IQCM: variants seen among roughly 807,000 people sequenced by gnomAD.
IQCM encodes IQ motif containing M.
IQCM carries 45 observed loss-of-function variants against 57.6 expected under a neutral mutation model. That is an observed-to-expected ratio of 0.78 (90% confidence interval 0.62 to 1.00). The LOEUF is 1.00. IQCM is among the 50% of genes least tolerant of loss of function. IQCM has a pLI of 0.00. For missense variants in IQCM, 468 were observed against 511.6 expected (o/e 0.91, Z 0.82); for synonymous variants, 148 against 158.9 (o/e 0.93, Z 0.51).
intron 12 of IQCM, among the ~76,000 whole-genome samples, chr4:149,486,059 CTCTCTT>C (rs1439131103): frequency 1.4e-5 from 2 of 147,700 alleles, no homozygotes; most frequent in Non-Finnish European, 3.0e-5. Flanking sequence ...CTCTCTCTCT[CTCTCTT>C]TCTCTGTCTG....
intron 12 of IQCM, among the ~76,000 whole-genome samples, chr4:149,509,934 C>T (rs923460955): frequency 2.0e-5 from 3 of 151,934 alleles, no homozygotes; most frequent in Admixed American, 2.0e-4. Flanking sequence ...TTTTGTTGCT[C>T]AAAAAATCCC....
intron 12 of IQCM, among the ~76,000 whole-genome samples, chr4:149,547,335 T>C (rs1239999613): frequency 6.6e-6 from 1 of 152,208 alleles, no homozygotes; most frequent in African/African-American, 2.4e-5. Context: ...AATTTTGTCA[T>C]TTGTCACAAT....
chr4:149,715,244 G>T (rs1764890690), intron 5 of IQCM, among the ~76,000 whole-genome samples: 1 of 152,172 alleles, frequency 6.6e-6, no homozygotes, highest in Non-Finnish European at 1.5e-5. Context: ...CCTGCCAAGG[G>T]TGAGCCAGGC....
chr4:149,409,613 T>C (rs1425131859), intron 13 of IQCM, among the ~76,000 whole-genome samples: 2 of 152,208 alleles, frequency 1.3e-5, no homozygotes, highest in East Asian at 3.9e-4. Flanking sequence ...ACTGTTTTTA[T>C]AAATAAAAGA....
intron 12 of IQCM, among the ~76,000 whole-genome samples, chr4:149,473,996 G>A (rs1214622058): frequency 6.6e-6 from 1 of 151,934 alleles, no homozygotes; most frequent in East Asian, 1.9e-4. Context: ...AAGTGGGGAG[G>A]GATAGTATTA....
At position 149,690,490 on chromosome 4, in the gene IQCM, T is replaced by C. The variant is rs1294771170; in HGVS notation, c.386-4022A>G. Among the ~76,000 whole-genome samples the C allele has an allele frequency of 2.0e-5, 3 of 152,196 alleles. No individual in the cohort carries two copies. The East Asian group carries it at 5.8e-4, about 30-fold the overall frequency. On this transcript the variant is annotated intron_variant, in intron 5 of 13. Coordinates refer to ENST00000636793, the MANE Select transcript of IQCM (RefSeq NM_001363507.2). The stretch of plus-strand genomic sequence containing the variant: ...GGTGCAGCATGTACTGCTTGGGTGA[T>C]GGGTGCACCAAAATCTCACAAATTA...
chr4:149,690,491 G>A (rs1762868732), intron 5 of IQCM, among the ~76,000 whole-genome samples: 1 of 152,010 alleles, frequency 6.6e-6, no homozygotes. Flanking sequence ...CTTGGGTGAT[G>A]GGTGCACCAA....
chr4:149,581,675 G>A (rs923143487), intron 9 of IQCM, among the ~76,000 whole-genome samples: 5 of 151,640 alleles, frequency 3.3e-5, no homozygotes, highest in African/African-American at 1.2e-4. Flanking sequence ...CAGGGTCTAG[G>A]GTTGGGTTCC....
chr4:149,764,118 C>G (rs922683275), intron 2 of IQCM, among the ~76,000 whole-genome samples: 1 of 152,070 alleles, frequency 6.6e-6, no homozygotes, highest in Admixed American at 6.6e-5. Context: ...CAAATTGCCA[C>G]AAAAACTGGT....
chr4:149,570,756 T>A (rs7663510), intron 9 of IQCM, among the ~76,000 whole-genome samples: 115,123 of 151,972 alleles, frequency 0.76, 44,076 homozygotes, highest in South Asian at 0.9. Flanking sequence ...CATTCCTTAT[T>A]CCACATTTAC....
chr4:149,534,059 A>T (rs1380832119), intron 12 of IQCM, among the ~76,000 whole-genome samples: 1 of 152,218 alleles, frequency 6.6e-6, no homozygotes, highest in South Asian at 2.1e-4. Context: ...AGTGACAGTG[A>T]TGTTATATTG....
rs536686215 is a variant in IQCM at position 149,678,960 on chromosome 4, G to A, written c.565+3158C>T. Among the ~76,000 whole-genome samples, 3 of 151,730 alleles carry A rather than the reference G, an allele frequency of 2.0e-5. No individual in the cohort carries two copies. In the East Asian group the frequency reaches 5.8e-4, roughly 29 times the overall value. On this transcript the variant is annotated intron_variant, in intron 7 of 13. Transcript: ENST00000636793. ...TGGAAATTAGTACAGACATTATTCA[G>A]AACAGTATGAAGTTTCCTTACAATT...
chr4:149,631,078 G>A (rs1757223423), intron 7 of IQCM, among the ~76,000 whole-genome samples: 1 of 152,136 alleles, frequency 6.6e-6, no homozygotes, highest in Admixed American at 6.5e-5. Context: ...TACATGCTAG[G>A]CAGAGTATGC....
chr4:149,387,992 T>C (rs2111067947), intron 13 of IQCM, among the ~76,000 whole-genome samples: 1 of 152,190 alleles, frequency 6.6e-6, no homozygotes, highest in South Asian at 2.1e-4. Context: ...TCAAGGTTTA[T>C]TTACTTCAAA....
At chr4:149,398,422 T>A (rs767573713) in intron 13 of IQCM, among the ~76,000 whole-genome samples, 23 of 152,048 alleles carry the variant, frequency 1.5e-4, no homozygotes, top group Non-Finnish European at 2.6e-4. Context: ...TTGATAGAGA[T>A]ACATTGAATC....
At chr4:149,741,218 G>T (rs1447828906) in intron 3 of IQCM, among the ~76,000 whole-genome samples, 1 of 152,042 alleles carries the variant, frequency 6.6e-6, no homozygotes, top group East Asian at 1.9e-4. Flanking sequence ...CTGTTGAGTT[G>T]TCTCTTACTG....
intron 12 of IQCM, among the ~76,000 whole-genome samples, chr4:149,454,653 A>G (rs1560860067): frequency 6.6e-6 from 1 of 152,084 alleles, no homozygotes; most frequent in Admixed American, 6.6e-5. Flanking sequence ...TCATCCATAC[A>G]CTGGAATATT....
At chr4:149,595,365 A>G (rs1219399515) in intron 8 of IQCM, among the ~76,000 whole-genome samples, 2 of 152,096 alleles carry the variant, frequency 1.3e-5, no homozygotes, top group African/African-American at 2.4e-5. Context: ...TCGGTTTTAA[A>G]CAACCTTGTG....
In IQCM at chr4:149,369,011, CGTGTATATATATATATATACAT is replaced by C. The variant is rs1441357306; in HGVS notation, c.1391-16967_1391-16946del. 8.1e-4 allele frequency among the ~76,000 whole-genome samples: 32 copies of C among 39,478 alleles called. 4 individuals carry two copies. Among genetic ancestry groups the C allele is most frequent in the African/African-American group, 9.3e-4 (10 of 10,734 alleles). The allele number at this position is 39,478 out of a possible 152,430, so 25.9% of individuals were successfully genotyped here. On this transcript the variant is annotated intron_variant, in intron 13 of 13. Coordinates refer to ENST00000636793, the MANE Select transcript of IQCM (RefSeq NM_001363507.2). ...ACACGTGTATATATATATATATACA[CGTGTATATATATATATATACAT>C]GTGTATATATATATATGTATTTTTT... is the stretch of plus-strand genomic sequence containing the variant.
Sources: allele counts gnomAD v4.1 joint callset (sites outside exome capture counted in the v4.1 genomes callset), GRCh38; gene constraint gnomAD v4.1.1; transcripts MANE v1.5; gene names NCBI Gene and HGNC (gene_info 2026-07-23, HGNC 2026-07-21).